The following CNTN5 variants were observed in gnomAD, a reference collection of about 807,000 sequenced individuals.
CNTN5 encodes contactin-5.
Under a neutral mutation model 129.1 loss-of-function variants are expected in CNTN5, and 77 were observed. The ratio of observed to expected loss-of-function variants is 0.60; its 90% CI spans 0.50 to 0.72. CNTN5 has a LOEUF of 0.72. Among genes scored for constraint, CNTN5 ranks in the 30% least tolerant of loss-of-function variants. The probability of loss-of-function intolerance (pLI) is 0.00; values close to 1 mark genes in which losing one functional copy is unlikely to be tolerated. For synonymous variants in CNTN5, 509 were observed against 465.6 expected (o/e 1.09, Z -1.20); for missense variants, 1,478 against 1,328.8 (o/e 1.11, Z -1.75).
intron 1 of CNTN5, among the ~76,000 whole-genome samples, chr11:99,305,537 C>A (rs139081575): frequency 6.6e-6 from 1 of 152,028 alleles, no homozygotes; most frequent in African/African-American, 2.4e-5. Context: ...TTTTTATATA[C>A]GGTCTTTCAG....
At chr11:99,457,693 A>C (rs1406600590) in intron 2 of CNTN5, among the ~76,000 whole-genome samples, 1 of 151,766 alleles carries the variant, frequency 6.6e-6, no homozygotes. Context: ...AAGATGTATA[A>C]TTTTTAAAGA....
intron 2 of CNTN5, among the ~76,000 whole-genome samples, chr11:99,372,122 T>A (rs866876242): frequency 3.3e-5 from 5 of 152,222 alleles, no homozygotes; most frequent in African/African-American, 4.8e-5. Context: ...GAAAAACTAA[T>A]CTTACAGCAT....
At chr11:99,862,424 A>C (rs1309573326) in intron 6 of CNTN5, among the ~76,000 whole-genome samples, 1 of 152,030 alleles carries the variant, frequency 6.6e-6, no homozygotes, top group Non-Finnish European at 1.5e-5. Flanking sequence ...TATAACTATA[A>C]AACAGAATTG....
At chr11:100,125,997 T>A (rs2138185425) in intron 13 of CNTN5, among the ~76,000 whole-genome samples, 1 of 152,238 alleles carries the variant, frequency 6.6e-6, no homozygotes, top group East Asian at 1.9e-4. Context: ...TTTTTGTATG[T>A]GTGTATCTAT....
chr11:99,473,869 T>C (rs913746741), intron 2 of CNTN5, among the ~76,000 whole-genome samples: 2 of 152,012 alleles, frequency 1.3e-5, no homozygotes, highest in Non-Finnish European at 2.9e-5. Flanking sequence ...TTATAAACCA[T>C]AGACAGTAAA....
At chr11:99,884,373 A>T (rs2135872654) in intron 6 of CNTN5, among the ~76,000 whole-genome samples, 1 of 152,338 alleles carries the variant, frequency 6.6e-6, no homozygotes, top group East Asian at 1.9e-4. Flanking sequence ...AAAAATAAAC[A>T]AGAACTAAGA....
intron 1 of CNTN5, among the ~76,000 whole-genome samples, chr11:99,192,527 A>C (rs1858695213): frequency 6.6e-6 from 1 of 151,940 alleles, no homozygotes; most frequent in Non-Finnish European, 1.5e-5. Context: ...ATAAAAATAT[A>C]TTTGAATAAC....
chr11:99,306,278 G>C (rs965385014), intron 1 of CNTN5, among the ~76,000 whole-genome samples: 2 of 152,116 alleles, frequency 1.3e-5, no homozygotes, highest in African/African-American at 2.4e-5. Flanking sequence ...GGACATTGGG[G>C]AATTTACTTA....
chr11:99,031,212 T>C lies in CNTN5; in HGVS notation c.-210+9942T>C, dbSNP rs192709959. On this transcript the variant is annotated intron_variant, in intron 1 of 24. Coordinates refer to ENST00000524871, the MANE Select transcript of CNTN5 (RefSeq NM_014361.4). ...CTTGCAAACATTTTACAATTTTTTT[T>C]CCAAAAATGACATCTAGATATATTA... 6.1e-4 allele frequency among the ~76,000 whole-genome samples: 93 copies of C among 152,276 alleles called. 1 individual carries two copies. Among genetic ancestry groups the C allele is most frequent in the African/African-American group, 2.2e-3 (90 of 41,568 alleles).
intron 2 of CNTN5, among the ~76,000 whole-genome samples, chr11:99,440,074 C>A (rs1226119054): frequency 6.6e-6 from 1 of 152,098 alleles, no homozygotes; most frequent in African/African-American, 2.4e-5. Context: ...GGATTTAATT[C>A]ACTCTAGAAC....
intron 20 of CNTN5, among the ~76,000 whole-genome samples, chr11:100,303,370 A>AC (rs1951272045): frequency 6.6e-6 from 1 of 151,632 alleles, no homozygotes; most frequent in Non-Finnish European, 1.5e-5. Flanking sequence ...TTTTTCCAAG[A>AC]TAAAAAATTA....
intron 2 of CNTN5, among the ~76,000 whole-genome samples, chr11:99,433,399 GTGTCTT>G (rs1220626673): frequency 7.6e-5 from 2 of 26,390 alleles, no homozygotes; most frequent in Non-Finnish European, 1.6e-4. Flanking sequence ...GTGTGTGTGT[GTGTCTT>G]TGTGTGTGTG....
intron 15 of CNTN5, among the ~76,000 whole-genome samples, chr11:100,220,458 T>A (rs2138616480): frequency 6.6e-6 from 1 of 152,272 alleles, no homozygotes; most frequent in South Asian, 2.1e-4. Flanking sequence ...ATACATAAAA[T>A]GCTTAATGCT....
At chr11:100,154,518 A>C (rs569835970) in intron 13 of CNTN5, among the ~76,000 whole-genome samples, 1 of 152,272 alleles carries the variant, frequency 6.6e-6, no homozygotes, top group Non-Finnish European at 1.5e-5. Context: ...AATGTGTTAT[A>C]ATGCTTTGGG....
At chr11:99,609,968 G>A (rs1354222634) in intron 3 of CNTN5, among the ~76,000 whole-genome samples, 3 of 152,040 alleles carry the variant, frequency 2.0e-5, no homozygotes, top group Non-Finnish European at 2.9e-5. Context: ...TGATTCACAT[G>A]TGTTACCTTA....
chr11:99,422,268 G>GT (rs1942922201), intron 2 of CNTN5, among the ~76,000 whole-genome samples: 1 of 151,834 alleles, frequency 6.6e-6, no homozygotes, highest in Non-Finnish European at 1.5e-5. Flanking sequence ...TGATATTTTT[G>GT]TTTTTTGAAG....
At chr11:99,533,539 C>T (rs1054712611) in intron 2 of CNTN5, among the ~76,000 whole-genome samples, 8 of 152,256 alleles carry the variant, frequency 5.3e-5, no homozygotes, top group African/African-American at 1.9e-4. Context: ...GGTCTCCTGC[C>T]TTGCCCAGGC....
intron 9 of CNTN5, among the ~76,000 whole-genome samples, chr11:100,051,795 T>A (rs796805082): frequency 9.9e-5 from 15 of 151,974 alleles, no homozygotes; most frequent in Admixed American, 3.3e-4. Context: ...ACATTTAAAG[T>A]ACAGGAAGGC....
intron 1 of CNTN5, among the ~76,000 whole-genome samples, chr11:99,302,351 A>G (rs1395907658): frequency 6.6e-6 from 1 of 151,784 alleles, no homozygotes; most frequent in East Asian, 1.9e-4. Flanking sequence ...AAAAATAAAG[A>G]AAACACAATT....
Sources: allele counts gnomAD v4.1 joint callset (sites outside exome capture counted in the v4.1 genomes callset), GRCh38; gene constraint gnomAD v4.1.1; transcripts MANE v1.5; gene names NCBI Gene and HGNC (gene_info 2026-07-23, HGNC 2026-07-21).